Variants in ANKRD44 observed in about 807,000 individuals in gnomAD.
ANKRD44 encodes serine/threonine-protein phosphatase 6 regulatory ankyrin repeat subunit B.
In ANKRD44, 35 loss-of-function variants were observed where a neutral mutation model predicts 116.0. That is an observed-to-expected ratio of 0.30 (90% CI 0.23 to 0.40). ANKRD44 has a LOEUF of 0.40. Among genes scored for constraint, ANKRD44 ranks in the 10% least tolerant of loss-of-function variants. The probability of loss-of-function intolerance (pLI) is 1.00; values close to 1 mark genes in which losing one functional copy is unlikely to be tolerated. For synonymous variants in ANKRD44, 435 were observed against 461.8 expected (o/e 0.94, Z 0.74); for missense variants, 1,014 against 1,242.6 (o/e 0.82, Z 2.77).
chr2:197,050,428 CTT>C (rs796163431), intron 16 of ANKRD44, among the ~76,000 whole-genome samples: 3 of 144,426 alleles, frequency 2.1e-5, no homozygotes, highest in Non-Finnish European at 4.6e-5. Context: ...TTTGTTTTTG[CTT>C]TTTTTTTTTT....
intron 1 of ANKRD44, among the ~76,000 whole-genome samples, chr2:197,259,267 G>T (rs2082534728): frequency 1.3e-5 from 2 of 152,166 alleles, no homozygotes; most frequent in African/African-American, 4.8e-5. Flanking sequence ...TCCTACCAGA[G>T]GCCTCCCCTG....
At chr2:197,068,702 CTCA>C (rs2077495697) in intron 16 of ANKRD44, among the ~76,000 whole-genome samples, 1 of 152,158 alleles carries the variant, frequency 6.6e-6, no homozygotes, top group African/African-American at 2.4e-5. Context: ...TGAAAAAATG[CTCA>C]TCATCACTGG....
At chr2:197,246,495 C>T (rs1179396883) in intron 1 of ANKRD44, among the ~76,000 whole-genome samples, 1 of 151,426 alleles carries the variant, frequency 6.6e-6, no homozygotes, top group African/African-American at 2.4e-5. Context: ...CACCCAGCCC[C>T]ATAACCCCTG....
chr2:197,060,433 G>A (rs2077286023), intron 16 of ANKRD44, among the ~76,000 whole-genome samples: 2 of 152,148 alleles, frequency 1.3e-5, no homozygotes, highest in Non-Finnish European at 2.9e-5. Flanking sequence ...TATTTAAGGT[G>A]TACAATGTGA....
intron 17 of ANKRD44, among the ~76,000 whole-genome samples, chr2:197,014,751 T>G (rs2076358502): frequency 6.6e-6 from 1 of 150,992 alleles, no homozygotes; most frequent in Admixed American, 6.6e-5. Flanking sequence ...GACTCTGCAC[T>G]CCAGCTTGAG....
At chr2:197,146,622 G>GTAGTGTGTATATATACTCACTATACA (rs1052009510) in intron 3 of ANKRD44, among the ~76,000 whole-genome samples, 1,694 of 149,986 alleles carry the variant, frequency 0.011, 41 homozygotes, top group African/African-American at 0.031. Context: ...GCATGTTTAT[G>GTAGTGTGTATATATACTCACTATACA]TAGTGTGTAT....
At chr2:197,118,553 G>C (rs1217331532) in intron 8 of ANKRD44, among the ~76,000 whole-genome samples, 1 of 151,598 alleles carries the variant, frequency 6.6e-6, no homozygotes, top group Non-Finnish European at 1.5e-5. Flanking sequence ...TCCTGCCATT[G>C]CACTCTAGCC....
chr2:197,281,846 T>A (rs1488624468), intron 1 of ANKRD44, among the ~76,000 whole-genome samples: 1 of 152,208 alleles, frequency 6.6e-6, no homozygotes, highest in African/African-American at 2.4e-5. Context: ...GGAAGAGAAG[T>A]TTAAATCTTG....
intron 21 of ANKRD44, among the ~76,000 whole-genome samples, chr2:196,976,898 A>G (rs1488408036): frequency 6.6e-6 from 1 of 151,854 alleles, no homozygotes; most frequent in East Asian, 1.9e-4. Flanking sequence ...GAAGGCAGGA[A>G]AGAAGAGAGG....
rs777206159 is a variant in ANKRD44 at position 197,005,805 on chromosome 2, G to C, written c.2236C>G (p.Arg746Gly). 2 of 1,614,158 alleles carry C rather than the reference G, an allele frequency of 1.2e-6. No homozygotes were observed. The highest frequency in any genetic ancestry group is 1.3e-5 in the African/African-American group (1 of 74,952). Reference sequence around the variant, plus strand: ...TCGCTCAGCCACGTGGCGTGGCCACGAGCAGCTGCATAGTGCAAGGGCGTC... The same window carrying C: ...TCGCTCAGCCACGTGGCGTGGCCACCAGCAGCTGCATAGTGCAAGGGCGTC... ...GRTPLHYAAARGHATWLSELL... is the reference protein window; with the variant it reads ...GRTPLHYAAAGGHATWLSELL... Residue 746 changes from arginine to glycine, a missense_variant, in exon 21 of 28, where the codon CGT becomes GGT. Physicochemically the swap from Arg to Gly is moderately radical, Grantham distance 125. Coordinates refer to ENST00000282272, the MANE Select transcript of ANKRD44 (RefSeq NM_001195144.2).
intron 2 of ANKRD44, among the ~76,000 whole-genome samples, chr2:197,148,166 A>G (rs1301033456): frequency 6.6e-6 from 1 of 152,220 alleles, no homozygotes; most frequent in African/African-American, 2.4e-5. Context: ...AGCAGGAGAT[A>G]AGTGCACAGC....
At chr2:197,114,378 C>T (rs1401410938) in intron 8 of ANKRD44, among the ~76,000 whole-genome samples, 1 of 152,144 alleles carries the variant, frequency 6.6e-6, no homozygotes, top group East Asian at 1.9e-4. Context: ...GCAAGAAGCA[C>T]TTCTATTGAG....
chr2:197,072,117 A>C (rs1407584155), intron 16 of ANKRD44, among the ~76,000 whole-genome samples: 1 of 146,074 alleles, frequency 6.8e-6, no homozygotes, highest in East Asian at 2.1e-4. Flanking sequence ...AGAAAGGAGG[A>C]GGGAGGGTAG....
chr2:197,051,812 A>C (rs891556836), intron 16 of ANKRD44, among the ~76,000 whole-genome samples: 2 of 152,156 alleles, frequency 1.3e-5, no homozygotes, highest in African/African-American at 4.8e-5. Flanking sequence ...AAAAACGTTA[A>C]GTGGGGTGCT....
At position 197,310,127 on chromosome 2, in the gene ANKRD44, A is replaced by G. The variant is rs187271676; in HGVS notation, c.27+451T>C. ...GACAGCCCGGCCACACAAGAGCCGCATTCTGGGCAGGACTCCTGCTAGGTT... is the reference window on the plus strand; with the variant it reads ...GACAGCCCGGCCACACAAGAGCCGCGTTCTGGGCAGGACTCCTGCTAGGTT... On this transcript the variant is annotated intron_variant, in intron 1 of 27. Coordinates refer to ENST00000282272, the MANE Select transcript of ANKRD44 (RefSeq NM_001195144.2). Among the ~76,000 whole-genome samples the G allele has an allele frequency of 1.1e-4, 16 of 152,270 alleles. No individual in the cohort carries two copies. The East Asian group carries it at 2.3e-3, about 22-fold the overall frequency.
At position 197,063,685 on chromosome 2, in the gene ANKRD44, C is replaced by G. The variant is rs942719881; in HGVS notation, c.1650+15018G>C. 3.9e-5 allele frequency among the ~76,000 whole-genome samples: 6 copies of G among 152,282 alleles called. No homozygotes were observed. The East Asian group carries it at 5.8e-4, about 15-fold the overall frequency. On this transcript the variant is annotated intron_variant, in intron 16 of 27. Coordinates refer to ENST00000282272, the MANE Select transcript of ANKRD44 (RefSeq NM_001195144.2). ...AAGCTTCAGTAGCCGATTCGATCAA[C>G]TGGAAGAAACAGTATCAGCGATTGA...
chr2:197,003,566 G>C (rs769100070), intron 21 of ANKRD44, among the ~76,000 whole-genome samples: 1 of 152,128 alleles, frequency 6.6e-6, no homozygotes, highest in Non-Finnish European at 1.5e-5. Context: ...GGGAAGATGG[G>C]AGCTTGAAAC....
At chr2:197,157,671 C>A in intron 2 of ANKRD44, among the ~76,000 whole-genome samples, 1 of 78,114 alleles carries the variant, frequency 1.3e-5, no homozygotes, top group Non-Finnish European at 2.5e-5. Flanking sequence ...GAGTGAGACT[C>A]TGTCAAAAAA....
At chr2:197,300,101 T>C (rs558375472) in intron 1 of ANKRD44, among the ~76,000 whole-genome samples, 77 of 152,362 alleles carry the variant, frequency 5.1e-4, no homozygotes, top group Non-Finnish European at 6.3e-4. Flanking sequence ...TAAAAAGTCA[T>C]GTGCAACAAA....
Sources: allele counts gnomAD v4.1 joint callset (sites outside exome capture counted in the v4.1 genomes callset), GRCh38; gene constraint gnomAD v4.1.1; transcripts MANE v1.5; gene names NCBI Gene and HGNC (gene_info 2026-07-23, HGNC 2026-07-21).